BAZ1A: variants seen among roughly 807,000 people sequenced by gnomAD.
The protein encoded by BAZ1A is bromodomain adjacent to zinc finger domain 1A.
BAZ1A carries 50 observed loss-of-function variants against 185.2 expected under a neutral mutation model. The observed-to-expected ratio is 0.27, with a 90% confidence interval of 0.22 to 0.34. BAZ1A has a LOEUF of 0.34. Ranked by LOEUF, BAZ1A falls within the 10% of genes least tolerant of loss-of-function variation. BAZ1A has a pLI of 1.00. For missense variants in BAZ1A, 1,356 were observed against 1,839.9 expected (o/e 0.74, Z 4.81); for synonymous variants, 571 against 615.6 (o/e 0.93, Z 1.07).
intron 23 of BAZ1A, 29 bp from the exon 24 acceptor site, chr14:34,762,252 T>C: frequency 6.3e-7 from 1 of 1,590,534 alleles, no homozygotes; most frequent in Non-Finnish European, 8.6e-7. Context: ...AACACAATTA[T>C]TGTACAGAGC....
intron 4 of BAZ1A, among the ~76,000 whole-genome samples, chr14:34,823,872 C>T (rs78652561): frequency 0.022 from 3,327 of 151,816 alleles, 142 homozygotes; most frequent in African/African-American, 0.077. Context: ...TATATTTGTA[C>T]CTATGTATAC....
At chr14:34,865,803 G>A (rs938768772) in intron 2 of BAZ1A, among the ~76,000 whole-genome samples, 2 of 152,124 alleles carry the variant, frequency 1.3e-5, no homozygotes, top group Non-Finnish European at 2.9e-5. Flanking sequence ...GATATCCTAA[G>A]AATTCAGAGA....
intron 14 of BAZ1A, among the ~76,000 whole-genome samples, chr14:34,784,506 A>G (rs547153696): frequency 6.6e-6 from 1 of 151,498 alleles, no homozygotes; most frequent in African/African-American, 2.4e-5. Flanking sequence ...ATTGGTTTTC[A>G]AGTTTTTTTT....
intron 19 of BAZ1A, among the ~76,000 whole-genome samples, chr14:34,774,055 C>CA (rs1381516314): frequency 5.3e-5 from 8 of 152,198 alleles, no homozygotes; most frequent in Non-Finnish European, 1.2e-4. Context: ...AAAAAGGTAA[C>CA]AAAGAAACCA....
At chr14:34,807,357 C>G (rs1162956838) in intron 6 of BAZ1A, 94 bp downstream of exon 6, 1 of 845,638 alleles carries the variant, frequency 1.2e-6, no homozygotes, top group Non-Finnish European at 1.7e-6. Flanking sequence ...AATCTTTAAT[C>G]ATCTTTGAAA....
At chr14:34,808,146 A>C (rs369192840) in intron 5 of BAZ1A, among the ~76,000 whole-genome samples, 10 of 152,072 alleles carry the variant, frequency 6.6e-5, no homozygotes, top group Middle Eastern at 3.4e-3. Context: ...AGAGTAAATC[A>C]AATTTTATAA....
At chr14:34,828,187 G>A (rs1016745959) in intron 3 of BAZ1A, among the ~76,000 whole-genome samples, 4 of 151,470 alleles carry the variant, frequency 2.6e-5, no homozygotes, top group East Asian at 1.9e-4. Flanking sequence ...CAGCTACTCC[G>A]GAGGCTGAGG....
chr14:34,859,208 G>A (rs770585925), intron 3 of BAZ1A, among the ~76,000 whole-genome samples: 5 of 152,216 alleles, frequency 3.3e-5, no homozygotes, highest in Non-Finnish European at 5.9e-5. Flanking sequence ...TTGGGAAGCC[G>A]AGGTGGGATT....
intron 2 of BAZ1A, among the ~76,000 whole-genome samples, chr14:34,869,139 G>A (rs1248201899): frequency 4.7e-5 from 7 of 149,652 alleles, no homozygotes; most frequent in African/African-American, 1.2e-4. Context: ...CCCGGGAGGC[G>A]GAGTTTGCAG....
chr14:34,832,203 C>CATATATATAT (rs1566586080), intron 3 of BAZ1A, among the ~76,000 whole-genome samples: 1 of 76,034 alleles, frequency 1.3e-5, no homozygotes, highest in Non-Finnish European at 2.9e-5. Context: ...CACACACACA[C>CATATATATAT]ACACACACAC....
chr14:34,874,378 C>T lies in BAZ1A; in HGVS notation c.113+114G>A. The T allele has an allele frequency of 9.6e-7, 1 of 1,039,462 alleles. No homozygotes were observed. The highest frequency in any genetic ancestry group is 1.4e-6 in the Non-Finnish European group (1 of 692,616). The allele number at this position is 1,039,462 out of a possible 1,614,324, so 64.4% of individuals were successfully genotyped here. A position where few individuals can be genotyped will look rare whatever the true frequency, so the allele number is the denominator to read the frequency against. Reference sequence around the variant, plus strand: ...AACCGCGGGCCCGGGGGCCACCCGTCACTTTCAAGTCGCCCCGCCAGAAGC... The same window carrying T: ...AACCGCGGGCCCGGGGGCCACCCGTTACTTTCAAGTCGCCCCGCCAGAAGC... On this transcript the variant is annotated intron_variant, in intron 2 of 26. Coordinates refer to ENST00000360310, the MANE Select transcript of BAZ1A (RefSeq NM_013448.3). This position sits in a 1 kb window ranked among gnomAD's most constrained non-coding sequence, Gnocchi z 4.7.
At chr14:34,773,841 A>C (rs1027936835) in intron 19 of BAZ1A, 115 bp from the exon 20 acceptor site, 1 of 1,108,262 alleles carries the variant, frequency 9.0e-7, no homozygotes, top group African/African-American at 1.6e-5. Context: ...AATGATTATG[A>C]ATCAAAAAGG....
chr14:34,772,983 G>A (rs540294373), intron 20 of BAZ1A, among the ~76,000 whole-genome samples: 1 of 152,138 alleles, frequency 6.6e-6, no homozygotes, highest in Non-Finnish European at 1.5e-5. Context: ...AGCTGAGATT[G>A]TGCTACTTTA....
chr14:34,836,049 A>G (rs1419123084), intron 3 of BAZ1A, among the ~76,000 whole-genome samples: 1 of 151,872 alleles, frequency 6.6e-6, no homozygotes, highest in Non-Finnish European at 1.5e-5. Flanking sequence ...ATTTAAATTT[A>G]TATCTCAAAA....
chr14:34,844,495 G>T (rs1014326458), intron 3 of BAZ1A, among the ~76,000 whole-genome samples: 1 of 151,908 alleles, frequency 6.6e-6, no homozygotes, highest in Non-Finnish European at 1.5e-5. Flanking sequence ...TTCCAAAATT[G>T]GCTGGACGTA....
chr14:34,768,815 T>A (rs1879024262), intron 21 of BAZ1A: 3 of 397,284 alleles, frequency 7.6e-6, no homozygotes, highest in Non-Finnish European at 9.7e-6. Context: ...TTGAAGATTT[T>A]TTTTTCATAG....
chr14:34,803,279 T>C (rs906974871), intron 6 of BAZ1A, among the ~76,000 whole-genome samples: 58 of 149,800 alleles, frequency 3.9e-4, no homozygotes, highest in African/African-American at 1.4e-3. Context: ...CTCGGGAGGC[T>C]GAGGCAGGAG....
intron 10 of BAZ1A, 22 bp downstream of exon 10, chr14:34,795,648 A>G (rs1881144571): frequency 6.5e-7 from 1 of 1,547,198 alleles, no homozygotes; most frequent in African/African-American, 1.4e-5. Flanking sequence ...TGTGTGCTAA[A>G]CATCACATAA....
Position 34,755,961 on chromosome 14 carries a change from A to C in BAZ1A, c.4387-1047T>G, listed in dbSNP as rs138182746. On this transcript the variant is annotated intron_variant, in intron 25 of 26. Transcript: ENST00000360310. ...TCAGATTCCCAAGTAACTGAGACTA[A>C]AGTCATGCACCACCACACTCGGCTA... 1.6e-4 allele frequency among the ~76,000 whole-genome samples: 24 copies of C among 149,966 alleles called. No individual in the cohort carries two copies. In the East Asian group the frequency reaches 4.7e-3, roughly 30 times the overall value.
Sources: gnomAD v4.1 joint callset for allele counts (sites outside exome capture counted in the v4.1 genomes callset) on GRCh38, gnomAD v4.1.1 for gene constraint, Gnocchi (gnomAD v3.1) non-coding constraint, MANE v1.5 for transcripts, NCBI Gene and HGNC (gene_info 2026-07-23, HGNC 2026-07-21) for gene names.